The following NEURL1 variants were observed in gnomAD, a reference collection of about 807,000 sequenced individuals.
NEURL1 encodes the protein E3 ubiquitin-protein ligase NEURL1.
Under a neutral mutation model 41.2 loss-of-function variants are expected in NEURL1, and 26 were observed. That is an observed-to-expected ratio of 0.63 (90% CI 0.46 to 0.87). The LOEUF is 0.87. Ranked by LOEUF, NEURL1 falls within the 40% of genes least tolerant of loss-of-function variation. NEURL1 has a pLI of 0.00. For synonymous variants in NEURL1, 400 were observed against 402.3 expected (o/e 0.99, Z 0.07); for missense variants, 761 against 871.1 (o/e 0.87, Z 1.59).
chr10:103,507,458 C>CAG (rs942778514), intron 1 of NEURL1, among the ~76,000 whole-genome samples: 47 of 152,202 alleles, frequency 3.1e-4, no homozygotes, highest in African/African-American at 1.1e-3. Context: ...GGCAGGCGAG[C>CAG]AGATTGACTC....
intron 1 of NEURL1, among the ~76,000 whole-genome samples, chr10:103,525,555 T>C (rs754253187): frequency 3.3e-5 from 5 of 152,066 alleles, no homozygotes; most frequent in Non-Finnish European, 7.4e-5. Flanking sequence ...AGTTTCACCA[T>C]GTTGGCCAGG....
chr10:103,525,332 T>C (rs1259038262), intron 1 of NEURL1, among the ~76,000 whole-genome samples: 1 of 145,936 alleles, frequency 6.9e-6, no homozygotes, highest in Non-Finnish European at 1.5e-5. Flanking sequence ...TTGGTGGAGT[T>C]TTTTTTCTTT....
chr10:103,508,520 C>T lies in NEURL1; in HGVS notation c.85+14048C>T, dbSNP rs1261814861. Among the ~76,000 whole-genome samples the T allele has an allele frequency of 2.0e-5, 3 of 152,228 alleles. No individual in the cohort carries two copies. The highest frequency in any genetic ancestry group is 4.4e-5 in the Non-Finnish European group (3 of 68,040). On this transcript the variant is annotated intron_variant, in intron 1 of 5. Transcript: ENST00000369780. The surrounding 1 kb of genome is among the most constrained non-coding windows in gnomAD (Gnocchi z 4.3). ...TGCCAGCCCTGTCTGGGTGGACAGA[C>T]TTTCTCACCCACCCCTCCGCAAGTC...
Position 103,579,128 on chromosome 10 carries a change from A to G in NEURL1, c.650-5408A>G, listed in dbSNP as rs141974354. Among the ~76,000 whole-genome samples, 5 of 152,344 alleles carry G rather than the reference A, an allele frequency of 3.3e-5. No individual in the cohort carries two copies. The East Asian group carries it at 5.8e-4, about 18-fold the overall frequency. On this transcript the variant is annotated intron_variant, in intron 3 of 5. Transcript: ENST00000369780. ...GGTTACCCTGCACTGCTGGCAGCGTATGGCAGGGCCGGGTGGCTTTCTGGG... is the reference window on the plus strand; with the variant it reads ...GGTTACCCTGCACTGCTGGCAGCGTGTGGCAGGGCCGGGTGGCTTTCTGGG...
chr10:103,530,616 C>T (rs1401666364), intron 1 of NEURL1, among the ~76,000 whole-genome samples: 1 of 151,602 alleles, frequency 6.6e-6, no homozygotes, highest in East Asian at 1.9e-4. Flanking sequence ...TTTGGGCTCA[C>T]TGCAACCTCT....
chr10:103,541,607 A>G (rs1773818154), intron 1 of NEURL1, among the ~76,000 whole-genome samples: 2 of 152,130 alleles, frequency 1.3e-5, no homozygotes. Context: ...ATGGGGATGG[A>G]CTTCAGAGCT....
chr10:103,541,917 G>A (rs958888400), intron 1 of NEURL1, among the ~76,000 whole-genome samples: 18 of 152,170 alleles, frequency 1.2e-4, no homozygotes, highest in African/African-American at 4.1e-4. Context: ...TTTCCTTCTA[G>A]ACCAGTAGTG....
intron 4 of NEURL1, chr10:103,588,981 G>A (rs1432578785): frequency 2.3e-6 from 1 of 437,078 alleles, no homozygotes; most frequent in Non-Finnish European, 4.5e-6. Flanking sequence ...GTGAGTGACG[G>A]AAGGAGGAAG....
At chr10:103,532,027 T>C (rs2034583672) in intron 1 of NEURL1, among the ~76,000 whole-genome samples, 1 of 152,242 alleles carries the variant, frequency 6.6e-6, no homozygotes, top group Non-Finnish European at 1.5e-5. Context: ...TTGGTTTCTG[T>C]TTGCATGGAA....
At chr10:103,554,496 A>T (rs2035103709) in intron 1 of NEURL1, among the ~76,000 whole-genome samples, 2 of 151,914 alleles carry the variant, frequency 1.3e-5, no homozygotes, top group South Asian at 4.2e-4. Context: ...GGTTAAAGGG[A>T]TAGGTTGGTG....
intron 1 of NEURL1, among the ~76,000 whole-genome samples, chr10:103,565,323 C>T (rs2035396971): frequency 6.6e-6 from 1 of 152,190 alleles, no homozygotes; most frequent in Non-Finnish European, 1.5e-5. Flanking sequence ...GAGCTGAGTA[C>T]AGACAGAAGG....
chr10:103,544,045 G>C (rs1443244920), intron 1 of NEURL1, among the ~76,000 whole-genome samples: 3 of 152,204 alleles, frequency 2.0e-5, no homozygotes, highest in Non-Finnish European at 4.4e-5. Context: ...ACAGGAGGTA[G>C]AGGGCTGAGT....
At chr10:103,497,423 T>G (rs1222001242) in intron 1 of NEURL1, among the ~76,000 whole-genome samples, 1 of 152,174 alleles carries the variant, frequency 6.6e-6, no homozygotes, top group African/African-American at 2.4e-5. Context: ...GTGACTGTCT[T>G]GATTTTTTTC....
chr10:103,567,421 C>G (rs1232072529), intron 1 of NEURL1, among the ~76,000 whole-genome samples: 1 of 152,152 alleles, frequency 6.6e-6, no homozygotes, highest in Non-Finnish European at 1.5e-5. Flanking sequence ...AGGTCTCACT[C>G]TCACCCAGGT....
intron 3 of NEURL1, among the ~76,000 whole-genome samples, chr10:103,583,732 A>G (rs2035834184): frequency 8.2e-6 from 1 of 122,408 alleles, no homozygotes; most frequent in Non-Finnish European, 1.7e-5. Flanking sequence ...AAAAAAAAAA[A>G]GCCAAACAAA....
intron 1 of NEURL1, among the ~76,000 whole-genome samples, chr10:103,512,867 G>C (rs1298883205): frequency 6.6e-6 from 1 of 152,122 alleles, no homozygotes; most frequent in Non-Finnish European, 1.5e-5. Context: ...TCCAGGAAGT[G>C]GCTGGGTCCC....
intron 1 of NEURL1, among the ~76,000 whole-genome samples, chr10:103,540,481 G>C (rs1022034592): frequency 2.0e-5 from 3 of 151,992 alleles, no homozygotes; most frequent in African/African-American, 7.3e-5. Flanking sequence ...GTACAGACAG[G>C]GTTTCACCAT....
At chr10:103,542,961 A>C (rs1403711558) in intron 1 of NEURL1, among the ~76,000 whole-genome samples, 1 of 152,194 alleles carries the variant, frequency 6.6e-6, no homozygotes, top group Non-Finnish European at 1.5e-5. Context: ...ATTAAAACAA[A>C]AAAACGAAAG....
Position 103,558,140 on chromosome 10 carries a change from A to C in NEURL1, c.86-12732A>C, listed in dbSNP as rs1293019262. The C allele has an allele frequency of 1.0e-6, 1 of 977,260 alleles. No homozygotes were observed. The highest frequency in any genetic ancestry group is 1.2e-6 in the Non-Finnish European group (1 of 822,678). The allele number at this position is 977,260 out of a possible 1,614,324, so 60.5% of individuals were successfully genotyped here. The stretch of plus-strand genomic sequence containing the variant: ...TGATCCACCTGTGTCGGCCTCCCAA[A>C]GTGCTGGGTTTACAGGTGTGAGCCA... On this transcript the variant is annotated intron_variant, in intron 1 of 5. Transcript: ENST00000369780. The surrounding 1 kb of genome is among the most constrained non-coding windows in gnomAD (Gnocchi z 4.2).
Sources: gnomAD v4.1 joint callset for allele counts (sites outside exome capture counted in the v4.1 genomes callset) on GRCh38, gnomAD v4.1.1 for gene constraint, Gnocchi (gnomAD v3.1) non-coding constraint, MANE v1.5 for transcripts, NCBI Gene and HGNC (gene_info 2026-07-23, HGNC 2026-07-21) for gene names.